The following SS18L2 variants were observed in gnomAD, a reference collection of about 807,000 sequenced individuals.
The protein encoded by SS18L2 is SS18 like 2.
Under a neutral mutation model 10.3 loss-of-function variants are expected in SS18L2, and 8 were observed. The ratio of observed to expected loss-of-function variants is 0.78; its 90% CI spans 0.46 to 1.41. The LOEUF is 1.41. Among genes scored for constraint, SS18L2 ranks in the 40% most tolerant of loss-of-function variants. The pLI is 0.00. For synonymous variants in SS18L2, 41 were observed against 34.6 expected (o/e 1.19, Z -0.65); for missense variants, 100 against 96.2 (o/e 1.04, Z -0.17).
intron 2 of SS18L2, 66 bp downstream of exon 2, chr3:42,591,667 T>G: frequency 9.3e-7 from 1 of 1,077,262 alleles, no homozygotes; most frequent in Non-Finnish European, 1.4e-6. Flanking sequence ...ATGCGGTGCT[T>G]TCTCGAACTA....
At chr3:42,586,900 C>T (rs1704630467), upstream of SS18L2, among the ~76,000 whole-genome samples, 1 of 152,140 alleles carries the variant, frequency 6.6e-6, no homozygotes, top group South Asian at 2.1e-4. Flanking sequence ...ATTTCCATTC[C>T]AGCATCTCCC....
Position 42,590,922 on chromosome 3 carries a change from T to C in SS18L2, c.25T>C (p.Trp9Arg). ...GATGTCGGTGGCCTTCGTACCGGAC[T>C]GGCTGAGGGGCAAGGCGGAAGTCAA... MSVAFVPDWLRGKAEVNQE... is the reference protein window; with the variant it reads MSVAFVPDRLRGKAEVNQE... Residue 9 changes from tryptophan (W) to arginine (R), a missense_variant, in exon 1 of 3, where the codon TGG (tryptophan) becomes CGG (arginine). Physicochemically the swap from Trp to Arg is moderately radical, Grantham distance 101. Transcript: ENST00000011691. 7.4e-7 allele frequency: 1 copy of C among 1,343,406 alleles called. No homozygotes were observed. Among genetic ancestry groups the C allele is most frequent in the Non-Finnish European group, 9.8e-7 (1 of 1,021,310 alleles). The allele number at this position is 1,343,406 out of a possible 1,614,324, so 83.2% of individuals were successfully genotyped here.
At chr3:42,585,171 G>A (rs1704570614) in intron 1 of SS18L2, among the ~76,000 whole-genome samples, 1 of 152,088 alleles carries the variant, frequency 6.6e-6, no homozygotes, top group African/African-American at 2.4e-5. Context: ...AACAAATATG[G>A]GGAATTGGGC....
rs150241494 is a variant in SS18L2 at position 42,591,724 on chromosome 3, G to A, written c.146+123G>A. 6.1e-4 allele frequency: 442 copies of A among 728,116 alleles called. No individual in the cohort carries two copies. In the African/African-American group the frequency reaches 6.6e-3, roughly 11 times the overall value. The allele number at this position is 728,116 out of a possible 1,614,324, so 45.1% of individuals were successfully genotyped here. ...CAGTTAAGCCCCTCTTTGAACTGAG[G>A]AAAGAGAGGCTCAAAGAGTTTGCCA... On this transcript the variant is annotated intron_variant, in intron 2 of 2. Transcript: ENST00000011691.
chr3:42,595,980 CTCTT>C lies in SS18L2; in HGVS notation c.*1477_*1480del, dbSNP rs1307152999. 1.3e-5 allele frequency among the ~76,000 whole-genome samples: 2 copies of C among 152,028 alleles called. No individual in the cohort carries two copies. Among genetic ancestry groups the C allele is most frequent in the Admixed American group, 6.6e-5 (1 of 15,250 alleles). ...AGCACTAATGTGCTGAGGGCTCTGG[CTCTT>C]TCTTTTTTCTTTTTCTTCTTTTTTT... On this transcript the variant is annotated 3_prime_UTR_variant, in exon 3 of 3. Coordinates refer to ENST00000011691, the MANE Select transcript of SS18L2 (RefSeq NM_001370300.1).
chr3:42,590,404 G>A (rs1704777956), upstream of SS18L2, among the ~76,000 whole-genome samples: 1 of 152,172 alleles, frequency 6.6e-6, no homozygotes, highest in South Asian at 2.1e-4. Context: ...GCCGAGGCGG[G>A]CGGATCACGA....
chr3:42,591,484 C>T, intron 1 of SS18L2, 41 bp from the exon 2 acceptor site: 1 of 1,506,960 alleles, frequency 6.6e-7, no homozygotes, highest in Admixed American at 1.7e-5. Flanking sequence ...TGAGCCACTG[C>T]GCCCGGCCTG....
chr3:42,592,353 C>T (rs1056867828), intron 2 of SS18L2, among the ~76,000 whole-genome samples: 1 of 152,120 alleles, frequency 6.6e-6, no homozygotes, highest in Non-Finnish European at 1.5e-5. Context: ...GCGTGTGCCA[C>T]CACGCCCTGC....
At chr3:42,586,349 A>G (rs1425330720), upstream of SS18L2, among the ~76,000 whole-genome samples, 1 of 152,056 alleles carries the variant, frequency 6.6e-6, no homozygotes, top group Non-Finnish European at 1.5e-5. Flanking sequence ...CAGCCTCCCA[A>G]GTAGCTGGGA....
At chr3:42,590,686 G>C, upstream of SS18L2, 1 of 617,354 alleles carries the variant, frequency 1.6e-6, no homozygotes, top group South Asian at 1.9e-5. Flanking sequence ...TCTCCAGACT[G>C]CGCAAGCGCA....
chr3:42,585,859 G>T (rs1704593005), intron 1 of SS18L2, among the ~76,000 whole-genome samples: 1 of 152,052 alleles, frequency 6.6e-6, no homozygotes, highest in African/African-American at 2.4e-5. Flanking sequence ...GCTCCTATTT[G>T]CCAAGGCAGC....
At chr3:42,585,231 G>T (rs181481683) in intron 1 of SS18L2, among the ~76,000 whole-genome samples, 2 of 152,342 alleles carry the variant, frequency 1.3e-5, no homozygotes, top group Admixed American at 1.3e-4. Flanking sequence ...TACACTCTCT[G>T]ACTGGTGCAA....
At chr3:42,591,201 C>CTTTT (rs71616053) in intron 1 of SS18L2, 9,467 of 483,410 alleles carry the variant, frequency 0.02, 27 homozygotes, top group South Asian at 0.035. Flanking sequence ...CCTTTCTCTC[C>CTTTT]TTTTTTTTTT....
chr3:42,584,566 C>T (rs966743632), intron 1 of SS18L2, among the ~76,000 whole-genome samples: 1 of 152,140 alleles, frequency 6.6e-6, no homozygotes, highest in Admixed American at 6.6e-5. Flanking sequence ...GGGACATAGA[C>T]TTTTGAAAGT....
chr3:42,590,870 G>A lies in SS18L2; in HGVS notation c.-28G>A. 1 of 1,613,724 alleles carries A rather than the reference G, an allele frequency of 6.2e-7. No homozygotes were observed. Among genetic ancestry groups the A allele is most frequent in the Non-Finnish European group, 8.5e-7 (1 of 1,179,658 alleles). On this transcript the variant is annotated 5_prime_UTR_variant, in exon 1 of 3. Coordinates refer to ENST00000011691, the MANE Select transcript of SS18L2 (RefSeq NM_001370300.1). Reference sequence around the variant, plus strand: ...CACCTATCGTGGGTCGAGTTGCTTGGCGGTCGTGGTTCCGGAGGTTCCTCG... The same window carrying A: ...CACCTATCGTGGGTCGAGTTGCTTGACGGTCGTGGTTCCGGAGGTTCCTCG...
intron 2 of SS18L2, among the ~76,000 whole-genome samples, chr3:42,592,505 C>A (rs923990858): frequency 1.1e-4 from 16 of 152,168 alleles, no homozygotes. Context: ...CGACCTTATG[C>A]CCATTTCTTA....
upstream of SS18L2, among the ~76,000 whole-genome samples, chr3:42,587,883 C>T (rs1044914506): frequency 6.6e-6 from 1 of 151,920 alleles, no homozygotes; most frequent in African/African-American, 2.4e-5. Flanking sequence ...ACCAGCCTGA[C>T]CAACATGGTA....
Position 42,590,927 on chromosome 3 carries a change from G to C in SS18L2, c.30G>C (p.Leu10=). 1 of 1,613,444 alleles carries C rather than the reference G, an allele frequency of 6.2e-7. No individual in the cohort carries two copies. The highest frequency in any genetic ancestry group is 8.5e-7 in the Non-Finnish European group (1 of 1,179,788). ...CGGTGGCCTTCGTACCGGACTGGCT[G>C]AGGGGCAAGGCGGAAGTCAATCAAG... The part of the protein sequence containing the change: MSVAFVPDW[L]RGKAEVNQET... Residue 10 remains leucine, a synonymous_variant, in exon 1 of 3, where the codon CTG becomes CTC. Coordinates refer to ENST00000011691, the MANE Select transcript of SS18L2 (RefSeq NM_001370300.1).
Position 42,596,083 on chromosome 3 carries a change from G to A in SS18L2, c.*1574G>A, listed in dbSNP as rs755714610. Reference sequence around the variant, plus strand: ...TCTCGCTCTGTCGGAGTGCAGTGGTGCAATTTTGGCTCACTGCAACCTCTA... The same window carrying A: ...TCTCGCTCTGTCGGAGTGCAGTGGTACAATTTTGGCTCACTGCAACCTCTA... On this transcript the variant is annotated 3_prime_UTR_variant, in exon 3 of 3. Coordinates refer to ENST00000011691, the MANE Select transcript of SS18L2 (RefSeq NM_001370300.1). Among the ~76,000 whole-genome samples, 2 of 151,658 alleles carry A rather than the reference G, an allele frequency of 1.3e-5. No individual in the cohort carries two copies. Among genetic ancestry groups the A allele is most frequent in the Non-Finnish European group, 2.9e-5 (2 of 67,930 alleles).
Sources: gnomAD v4.1 joint callset for allele counts (sites outside exome capture counted in the v4.1 genomes callset) on GRCh38, gnomAD v4.1.1 for gene constraint, MANE v1.5 for transcripts, NCBI Gene and HGNC (gene_info 2026-07-23, HGNC 2026-07-21) for gene names.